FREM2: variants seen among roughly 807,000 people sequenced by gnomAD.
FREM2 encodes FRAS1 related extracellular matrix 2.
Under a neutral mutation model 219.9 loss-of-function variants are expected in FREM2, and 119 were observed. The ratio of observed to expected loss-of-function variants is 0.54; its 90% CI spans 0.47 to 0.63. The LOEUF (loss-of-function observed/expected upper bound fraction) is 0.63. FREM2 is among the 30% of genes least tolerant of loss of function. FREM2 has a pLI of 0.00. For synonymous variants in FREM2, 1,562 were observed against 1,522.8 expected (o/e 1.03, Z -0.60); for missense variants, 4,030 against 3,993.6 (o/e 1.01, Z -0.25).
chr13:38,765,587 A>C (rs1873403530), intron 3 of FREM2, among the ~76,000 whole-genome samples: 3 of 151,882 alleles, frequency 2.0e-5, no homozygotes, highest in Non-Finnish European at 1.5e-5. Flanking sequence ...GCCACCCCCA[A>C]CATCCCTCCC....
At chr13:38,761,203 G>T (rs185690428) in intron 2 of FREM2, among the ~76,000 whole-genome samples, 1 of 152,136 alleles carries the variant, frequency 6.6e-6, no homozygotes, top group Non-Finnish European at 1.5e-5. Context: ...GGATGTGAGA[G>T]GATGGATATT....
chr13:38,690,897 C>T lies in FREM2; in HGVS notation c.3553C>T (p.Pro1185Ser). 2.5e-6 allele frequency: 4 copies of T among 1,613,810 alleles called. No homozygotes were observed. Among genetic ancestry groups the T allele is most frequent in the Non-Finnish European group, 3.4e-6 (4 of 1,179,764 alleles). The change falls in exon 1 of 24, where the codon CCC becomes TCC. Residue 1185 changes from proline (P) to serine (S), a missense_variant. By Grantham distance (74) the Pro-to-Ser change is moderately conservative. Around this residue, in one of 2 missense-constraint regions of FREM2, gnomAD observed 3,102 missense variants for 2,950.7 expected, o/e 1.05. Coordinates refer to ENST00000280481, the MANE Select transcript of FREM2 (RefSeq NM_207361.6). ...ACAGTTCTTCCCCATTGTAATCATTCCCACCAATGATGAACAGCCAGAGAT... is the reference window on the plus strand; with the variant it reads ...ACAGTTCTTCCCCATTGTAATCATTTCCACCAATGATGAACAGCCAGAGAT... ...ERQFFPIVII[P>S]TNDEQPEMFM...
At chr13:38,776,797 A>G (rs988453694) in intron 4 of FREM2, among the ~76,000 whole-genome samples, 5 of 151,986 alleles carry the variant, frequency 3.3e-5, no homozygotes, top group African/African-American at 1.2e-4. Context: ...GAAAAAAAAA[A>G]AACCCAGAGG....
rs749142677 is a variant in FREM2 at position 38,687,510 on chromosome 13, C to T, written c.166C>T (p.Leu56=). The T allele has an allele frequency of 9.4e-6, 15 of 1,597,102 alleles. No homozygotes were observed. Among genetic ancestry groups the T allele is most frequent in the Non-Finnish European group, 1.3e-5 (15 of 1,172,538 alleles). ...GCCCGCTGCCTTCGGCAGGGCGTTG[C>T]TGTCCCCTGGTCTCGCGGGGGCTGC... ...AQPAAFGRAL[L]SPGLAGAAGV... The change falls in exon 1 of 24, where the codon CTG becomes TTG. Residue 56 remains leucine, a synonymous_variant. Transcript: ENST00000280481.
chr13:38,770,311 G>A (rs182095548), intron 4 of FREM2, among the ~76,000 whole-genome samples: 109 of 151,550 alleles, frequency 7.2e-4, no homozygotes, highest in Non-Finnish European at 4.6e-4. Flanking sequence ...TCCCAACTCA[G>A]CCTCCCAAAG....
chr13:38,876,273 C>T lies in FREM2; in HGVS notation c.8435C>T (p.Thr2812Ile). 1 of 1,614,122 alleles carries T rather than the reference C, an allele frequency of 6.2e-7. No homozygotes were observed. Among genetic ancestry groups the T allele is most frequent in the South Asian group, 1.1e-5 (1 of 91,074 alleles). ...FAVRDYSGTY[T>I]VKLVPCTAPS... ...GTACGTGACTACTCAGGGACCTATACTGTGAAGCTGGTGCCATGCACTGCC... is the reference window on the plus strand; with the variant it reads ...GTACGTGACTACTCAGGGACCTATATTGTGAAGCTGGTGCCATGCACTGCC... The change falls in exon 20 of 24, where the codon ACT (threonine) becomes ATT (isoleucine). Residue 2812 changes from threonine to isoleucine, a missense_variant. Thr to Ile is a moderately conservative substitution (Grantham distance 89). This residue lies in a region of FREM2 where 928 missense variants were observed against 1,042.9 expected (regional missense o/e 0.89). Transcript: ENST00000280481.
At position 38,886,374 on chromosome 13, in the gene FREM2, A is replaced by G. The variant is rs1004527500; in HGVS notation, c.*5587A>G. 7.0e-6 allele frequency: 1 copy of G among 142,542 alleles called. No homozygotes were observed. The highest frequency in any genetic ancestry group is 2.6e-5 in the African/African-American group (1 of 39,210). 8.8% of individuals were successfully genotyped at this position (142,542 alleles called of 1,614,324 possible). A position where few individuals can be genotyped will look rare whatever the true frequency, so the allele number is the denominator to read the frequency against. On this transcript the variant is annotated 3_prime_UTR_variant, in exon 24 of 24. Coordinates refer to ENST00000280481, the MANE Select transcript of FREM2 (RefSeq NM_207361.6). ...CACATACACACACATATATGTACAT[A>G]CATATATATATAGAGAGAGAGAGAT...
At chr13:38,764,282 G>C (rs774832373) in intron 2 of FREM2, 22 bp from the exon 3 acceptor site, 2 of 1,590,466 alleles carry the variant, frequency 1.3e-6, no homozygotes, top group South Asian at 2.2e-5. Context: ...CTAATTTATG[G>C]CTTTAAATTT....
intron 6 of FREM2, among the ~76,000 whole-genome samples, chr13:38,802,593 A>G (rs1404322901): frequency 1.3e-5 from 2 of 152,130 alleles, no homozygotes; most frequent in Non-Finnish European, 2.9e-5. Flanking sequence ...TCCTGGAAGT[A>G]TGTGAAGATG....
rs1474567373 is a variant in FREM2 at position 38,813,321 on chromosome 13, G to A, written c.6019+28513G>A. The stretch of plus-strand genomic sequence containing the variant: ...TCTCCTTCAGTTTTGAAGGATAATT[G>A]CGCAAGATATACTATTCTAGGGTAA... On this transcript the variant is annotated intron_variant, in intron 6 of 23. Transcript: ENST00000280481. Among the ~76,000 whole-genome samples the A allele has an allele frequency of 2.0e-5, 3 of 151,742 alleles. No individual in the cohort carries two copies. The East Asian group carries it at 5.8e-4, about 29-fold the overall frequency.
rs377278220 is a variant in FREM2, at chr13:38,850,045, G to C, written c.6387G>C (p.Lys2129Asn). 41 of 1,613,414 alleles carry C rather than the reference G, an allele frequency of 2.5e-5. No individual in the cohort carries two copies. The Middle Eastern group carries it at 6.6e-4, about 26-fold the overall frequency. Residue 2129 changes from lysine to asparagine, a missense_variant, in exon 9 of 24, where the codon AAG (lysine) becomes AAC (asparagine). By Grantham distance (94) the Lys-to-Asn change is moderately conservative. This residue lies in a region of FREM2 where 3,102 missense variants were observed against 2,950.7 expected (regional missense o/e 1.05). Transcript: ENST00000280481. ...AATCCTTTGTTTTTGCAGTGCCTAA[G>C]ATGCAATTCAAAGAACGAATATATA... ...SINDSVSDLP[K>N]MQFKERIYTG...
intron 2 of FREM2, among the ~76,000 whole-genome samples, chr13:38,741,130 G>C (rs1460541105): frequency 6.6e-6 from 1 of 152,170 alleles, no homozygotes; most frequent in East Asian, 1.9e-4. Context: ...TCTCACATCA[G>C]ACAGAGTAAT....
chr13:38,692,587 AAC>A, intron 1 of FREM2, 70 bp downstream of exon 1: 1 of 1,526,698 alleles, frequency 6.6e-7, no homozygotes, highest in Non-Finnish European at 9.0e-7. Context: ...AAGCCTCACA[AAC>A]AGAGCATTAA....
intron 6 of FREM2, among the ~76,000 whole-genome samples, chr13:38,833,107 A>G (rs1876575666): frequency 6.6e-6 from 1 of 152,182 alleles, no homozygotes; most frequent in African/African-American, 2.4e-5. Context: ...CAAGAGCAGC[A>G]TGTCATAAAT....
chr13:38,706,184 G>A (rs1178234374), intron 2 of FREM2, among the ~76,000 whole-genome samples: 6 of 152,180 alleles, frequency 3.9e-5, no homozygotes, highest in South Asian at 2.1e-4. Context: ...GATTAATACC[G>A]TATCTTGATT....
intron 2 of FREM2, among the ~76,000 whole-genome samples, chr13:38,729,074 A>G (rs978783245): frequency 4.6e-5 from 7 of 152,224 alleles, no homozygotes; most frequent in Non-Finnish European, 1.0e-4. Context: ...ACCTCAGGTG[A>G]TCCGCCCACC....
chr13:38,710,187 C>T (rs1159396378), intron 2 of FREM2, among the ~76,000 whole-genome samples: 2 of 151,600 alleles, frequency 1.3e-5, no homozygotes, highest in Non-Finnish European at 2.9e-5. Flanking sequence ...GACTCTGTCA[C>T]GAAACAACAA....
In FREM2 at chr13:38,690,596, T is replaced by C; in HGVS notation, c.3252T>C (p.Val1084=). ...TAGTAATGGAAGGTGATAAAAGTGT[T>C]ATAACATCAGTGCATATAAGTGCTG... is the stretch of plus-strand genomic sequence containing the variant. ...QLIVMEGDKS[V]ITSVHISAED... The change falls in exon 1 of 24, where the codon GTT becomes GTC. Residue 1084 remains valine (V), a synonymous_variant. Coordinates refer to ENST00000280481, the MANE Select transcript of FREM2 (RefSeq NM_207361.6). 1 of 1,614,082 alleles carries C rather than the reference T, an allele frequency of 6.2e-7. No homozygotes were observed. Among genetic ancestry groups the C allele is most frequent in the Non-Finnish European group, 8.5e-7 (1 of 1,180,030 alleles).
chr13:38,734,954 G>A (rs1363660948), intron 2 of FREM2, among the ~76,000 whole-genome samples: 1 of 151,914 alleles, frequency 6.6e-6, no homozygotes, highest in African/African-American at 2.4e-5. Context: ...CACCATATTG[G>A]CCAGGCTGGT....
Sources: allele counts gnomAD v4.1 joint callset (sites outside exome capture counted in the v4.1 genomes callset), GRCh38; gene constraint gnomAD v4.1.1; regional missense constraint gnomAD v4.1.1; transcripts MANE v1.5; gene names NCBI Gene and HGNC (gene_info 2026-07-23, HGNC 2026-07-21).